Variants in TTC39B observed in about 807,000 individuals in gnomAD.
TTC39B encodes tetratricopeptide repeat protein 39B.
Under a neutral mutation model 96.6 loss-of-function variants are expected in TTC39B, and 92 were observed. The observed-to-expected ratio is 0.95, with a 90% CI of 0.80 to 1.13. TTC39B has a LOEUF of 1.13. Among genes scored for constraint, TTC39B ranks in the 50% most tolerant of loss-of-function variants. The probability of loss-of-function intolerance (pLI) is 0.00; values close to 1 mark genes in which losing one functional copy is unlikely to be tolerated. For missense variants in TTC39B, 955 were observed against 809.3 expected (o/e 1.18, Z -2.18); for synonymous variants, 367 against 299.4 (o/e 1.23, Z -2.33).
At chr9:15,220,058 C>CT (rs1412878377) in intron 3 of TTC39B, among the ~76,000 whole-genome samples, 1 of 152,198 alleles carries the variant, frequency 6.6e-6, no homozygotes, top group Non-Finnish European at 1.5e-5. Flanking sequence ...AAAAAGGAAC[C>CT]TTTTTTCCAA....
chr9:15,204,749 A>C lies in TTC39B; in HGVS notation c.692-859T>G, dbSNP rs189176608. On this transcript the variant is annotated intron_variant, in intron 6 of 19. Transcript: ENST00000512701. ...GACTCCTCACACATGAAGACCTGAT[A>C]TAGAAAGAGGTAGCACTACCCCAGT... Among the ~76,000 whole-genome samples the C allele has an allele frequency of 3.4e-3, 513 of 152,254 alleles. 3 individuals are homozygous for C. Among genetic ancestry groups the C allele is most frequent in the African/African-American group, 0.012 (497 of 41,552 alleles).
intron 3 of TTC39B, among the ~76,000 whole-genome samples, chr9:15,219,912 A>T (rs919622308): frequency 1.3e-5 from 2 of 152,182 alleles, no homozygotes; most frequent in Non-Finnish European, 2.9e-5. Context: ...TTCCATTCAG[A>T]GCTATGTCAA....
exon 20 of TTC39B, chr9:15,168,324 A>G (rs1817564825): frequency 6.6e-6 from 1 of 151,450 alleles, no homozygotes; most frequent in Admixed American, 6.6e-5. Context: ...GAATCACAAA[A>G]TCTTAGGGTA....
At chr9:15,265,839 G>A (rs1823110946) in intron 2 of TTC39B, among the ~76,000 whole-genome samples, 1 of 152,056 alleles carries the variant, frequency 6.6e-6, no homozygotes, top group Admixed American at 6.5e-5. Context: ...ATCATGAGGG[G>A]GGAAAAACAG....
intron 4 of TTC39B, among the ~76,000 whole-genome samples, chr9:15,212,568 G>A (rs1013240848): frequency 9.2e-5 from 14 of 152,274 alleles, no homozygotes; most frequent in African/African-American, 3.1e-4. Flanking sequence ...TGGGATTACA[G>A]GCATGCACCA....
chr9:15,291,460 G>GT (rs1156936163), intron 1 of TTC39B, among the ~76,000 whole-genome samples: 1 of 152,198 alleles, frequency 6.6e-6, no homozygotes, highest in Non-Finnish European at 1.5e-5. Flanking sequence ...ACAGTGAACT[G>GT]TAAGTCCATT....
intron 2 of TTC39B, among the ~76,000 whole-genome samples, chr9:15,252,957 T>C (rs1822616788): frequency 1.3e-5 from 2 of 152,244 alleles, no homozygotes; most frequent in Non-Finnish European, 2.9e-5. Context: ...AAAACAGTTA[T>C]ATAAAAGGAA....
chr9:15,277,238 G>T (rs907512484), intron 1 of TTC39B, among the ~76,000 whole-genome samples: 3 of 152,150 alleles, frequency 2.0e-5, no homozygotes, highest in Non-Finnish European at 2.9e-5. Context: ...AGACCAGCCT[G>T]ACCAACATGG....
chr9:15,219,450 G>A (rs1354905875), intron 3 of TTC39B, among the ~76,000 whole-genome samples: 1 of 152,170 alleles, frequency 6.6e-6, no homozygotes, highest in African/African-American at 2.4e-5. Flanking sequence ...AAGATCTATT[G>A]ATTAAAAGGT....
chr9:15,253,089 C>T (rs531869318), intron 2 of TTC39B, among the ~76,000 whole-genome samples: 8 of 152,308 alleles, frequency 5.3e-5, no homozygotes, highest in African/African-American at 1.9e-4. Context: ...GTGTATCGTT[C>T]CACCCCACAT....
exon 20 of TTC39B, chr9:15,172,045 G>C (rs776759759): frequency 1.9e-6 from 3 of 1,612,684 alleles, no homozygotes; most frequent in African/African-American, 2.7e-5. Context: ...TTTCTCCAGA[G>C]GTGAAGAGCT....
intron 1 of TTC39B, among the ~76,000 whole-genome samples, chr9:15,273,545 A>G: frequency 6.6e-6 from 1 of 152,038 alleles, no homozygotes; most frequent in East Asian, 1.9e-4. Context: ...TCTCATAGGG[A>G]TGACTTCACA....
intron 13 of TTC39B, among the ~76,000 whole-genome samples, chr9:15,189,201 G>A (rs1185398834): frequency 2.0e-5 from 3 of 152,234 alleles, no homozygotes; most frequent in Non-Finnish European, 2.9e-5. Flanking sequence ...CCTTTGATAC[G>A]GAGCCCACAC....
rs918609618 is a variant in TTC39B, at chr9:15,188,235, A to G, written c.1234-103T>C. Reference sequence around the variant, plus strand: ...CACTTAGTACAAAAAGGACAAAATTATCACTCATTAAACCTCTCAATATGA... The same window carrying G: ...CACTTAGTACAAAAAGGACAAAATTGTCACTCATTAAACCTCTCAATATGA... On this transcript the variant is annotated intron_variant, in intron 13 of 19. Transcript: ENST00000512701. 1.4e-5 allele frequency: 16 copies of G among 1,177,290 alleles called. No homozygotes were observed. The South Asian group carries it at 2.0e-4, about 15-fold the overall frequency. The allele number at this position is 1,177,290 out of a possible 1,614,324, so 72.9% of individuals were successfully genotyped here. A position where few individuals can be genotyped will look rare whatever the true frequency, so the allele number is the denominator to read the frequency against.
chr9:15,225,931 C>T lies in TTC39B; in HGVS notation c.357G>A (p.Ala119=), dbSNP rs774633822. 2.4e-5 allele frequency: 38 copies of T among 1,613,624 alleles called. 1 individual carries two copies. The highest frequency in any genetic ancestry group is 7.7e-5 in the South Asian group (7 of 91,074). ...CCCTTCCTGACCTGCTGACAGTAGACGCTCCGCGCTGTCTGGGCGCCTGTT... is the reference window on the plus strand; with the variant it reads ...CCCTTCCTGACCTGCTGACAGTAGATGCTCCGCGCTGTCTGGGCGCCTGTT... The change falls in exon 3 of 20, where the codon GCG becomes GCA. Residue 119 remains alanine, a synonymous_variant. Coordinates refer to ENST00000512701, the Ensembl canonical transcript of TTC39B.
chr9:15,181,971 A>G (rs560533594), intron 17 of TTC39B, among the ~76,000 whole-genome samples: 19 of 152,124 alleles, frequency 1.2e-4, no homozygotes, highest in Non-Finnish European at 2.4e-4. Flanking sequence ...CATAACTCCT[A>G]ACTTCCATAC....
At chr9:15,210,186 G>T in intron 5 of TTC39B, 22 bp from the exon 6 acceptor site, 1 of 1,493,114 alleles carries the variant, frequency 6.7e-7, no homozygotes, top group Non-Finnish European at 9.1e-7. Flanking sequence ...AAATAAAAAG[G>T]GAGATAGAAA....
chr9:15,276,946 C>T (rs1823567265), intron 1 of TTC39B, among the ~76,000 whole-genome samples: 1 of 152,236 alleles, frequency 6.6e-6, no homozygotes, highest in Admixed American at 6.5e-5. Context: ...GGATCCCTAA[C>T]TATACTTCCT....
intron 17 of TTC39B, among the ~76,000 whole-genome samples, chr9:15,181,756 G>A (rs1212246224): frequency 3.9e-5 from 6 of 152,202 alleles, no homozygotes; most frequent in Non-Finnish European, 5.9e-5. Flanking sequence ...GGAAGTGCAC[G>A]TTTCCTTGTG....
Sources: gnomAD v4.1 joint callset for allele counts (sites outside exome capture counted in the v4.1 genomes callset) on GRCh38, gnomAD v4.1.1 for gene constraint, MANE v1.5 for transcripts, NCBI Gene and HGNC (gene_info 2026-07-23, HGNC 2026-07-21) for gene names.